Variants in PTPRT observed in about 807,000 individuals in gnomAD.
PTPRT encodes protein tyrosine phosphatase receptor type T.
Under a neutral mutation model 176.8 loss-of-function variants are expected in PTPRT, and 56 were observed. The ratio of observed to expected loss-of-function variants is 0.32; its 90% CI spans 0.26 to 0.40. PTPRT has a LOEUF of 0.40. PTPRT is among the 10% of genes least tolerant of loss of function. The pLI, the probability that PTPRT is intolerant of heterozygous loss-of-function variation, is 1.00. For missense variants in PTPRT, 1,540 were observed against 1,908.2 expected (o/e 0.81, Z 3.60); for synonymous variants, 783 against 739.0 (o/e 1.06, Z -0.96).
chr20:42,192,415 T>C (rs1161366698), intron 16 of PTPRT, among the ~76,000 whole-genome samples: 1 of 152,222 alleles, frequency 6.6e-6, no homozygotes. Flanking sequence ...TGCCTGGTAC[T>C]TCCTTCTGCC....
At chr20:42,539,847 T>C (rs1417703616) in intron 7 of PTPRT, among the ~76,000 whole-genome samples, 1 of 151,924 alleles carries the variant, frequency 6.6e-6, no homozygotes, top group Non-Finnish European at 1.5e-5. Context: ...AGGAAATCTC[T>C]TGAAAGGCAG....
chr20:42,093,411 CT>C (rs758402913), intron 27 of PTPRT, among the ~76,000 whole-genome samples: 7 of 152,048 alleles, frequency 4.6e-5, no homozygotes, highest in Non-Finnish European at 8.8e-5. Context: ...GTTTGAATGC[CT>C]TTATTTTGAG....
At position 42,274,536 on chromosome 20, in the gene PTPRT, A is replaced by AGTGTGTGTGT. The variant is rs529883269; in HGVS notation, c.2176+7943_2176+7952dup. ...TCTTTACTGTTTCCAGGCCCTGTAC[A>AGTGTGTGTGT]GTGTGTGTGTGTGTGTGTGTGTGTG... is the stretch of plus-strand genomic sequence containing the variant. On this transcript the variant is annotated intron_variant, in intron 13 of 30. Coordinates refer to ENST00000373187, the MANE Select transcript of PTPRT (RefSeq NM_007050.6). 4.5e-3 allele frequency among the ~76,000 whole-genome samples: 512 copies of AGTGTGTGTGT among 113,282 alleles called. 1 individual carries two copies. Among genetic ancestry groups the AGTGTGTGTGT allele is most frequent in the African/African-American group, 8.7e-3 (215 of 24,698 alleles). The allele number at this position is 113,282 out of a possible 152,430, so 74.3% of individuals were successfully genotyped here. A position where few individuals can be genotyped will look rare whatever the true frequency, so the allele number is the denominator to read the frequency against.
chr20:42,647,997 T>C (rs1600544195), intron 7 of PTPRT, among the ~76,000 whole-genome samples: 1 of 152,220 alleles, frequency 6.6e-6, no homozygotes, highest in East Asian at 1.9e-4. Flanking sequence ...AAGGACACTT[T>C]GGAGATAGCA....
At chr20:42,462,434 A>G (rs1177536547) in intron 8 of PTPRT, among the ~76,000 whole-genome samples, 1 of 152,160 alleles carries the variant, frequency 6.6e-6, no homozygotes, top group Non-Finnish European at 1.5e-5. Context: ...GGTTGTGAAT[A>G]GCTGGAAATG....
intron 16 of PTPRT, among the ~76,000 whole-genome samples, chr20:42,165,263 A>T (rs1487267952): frequency 6.6e-6 from 1 of 152,014 alleles, no homozygotes; most frequent in Admixed American, 6.5e-5. Context: ...GGGAATTGCC[A>T]CTCCAACTGG....
chr20:42,829,819 C>G (rs567652930), intron 2 of PTPRT, among the ~76,000 whole-genome samples: 1 of 152,158 alleles, frequency 6.6e-6, no homozygotes, highest in Non-Finnish European at 1.5e-5. Context: ...ACCATGAACA[C>G]CTCTATGCCC....
At chr20:42,104,785 CATTTAGTGTTGTGGCTATGAAG>C in intron 24 of PTPRT, 67 bp from the exon 25 acceptor site, 1 of 1,458,876 alleles carries the variant, frequency 6.9e-7, no homozygotes, top group African/African-American at 1.4e-5. Context: ...TAGCTGTCCA[CATTTAGTGTTGTGGCTATGAAG>C]AATAGACATG....
At chr20:42,770,267 C>T (rs1172138178) in intron 5 of PTPRT, among the ~76,000 whole-genome samples, 1 of 152,124 alleles carries the variant, frequency 6.6e-6, no homozygotes, top group Non-Finnish European at 1.5e-5. Flanking sequence ...GGATTACAGG[C>T]ACTCGCCACC....
rs367707670 is a variant in PTPRT at position 42,716,664 on chromosome 20, T to C, written c.860-38505A>G. Among the ~76,000 whole-genome samples, 6 of 152,330 alleles carry C rather than the reference T, an allele frequency of 3.9e-5. No homozygotes were observed. The East Asian group carries it at 1.2e-3, about 29-fold the overall frequency. ...TTCTGGATATTAGCCCTTTGTCAGA[T>C]GAGTACATTGCAAAAATTTTCTCCC... On this transcript the variant is annotated intron_variant, in intron 6 of 30. Coordinates refer to ENST00000373187, the MANE Select transcript of PTPRT (RefSeq NM_007050.6).
chr20:42,482,171 G>C (rs2071399667), intron 7 of PTPRT, among the ~76,000 whole-genome samples: 1 of 152,098 alleles, frequency 6.6e-6, no homozygotes, highest in South Asian at 2.1e-4. Flanking sequence ...GGAGAAAAGG[G>C]AGCGGGAAGA....
chr20:42,113,826 TC>T (rs1568943904), intron 22 of PTPRT, among the ~76,000 whole-genome samples: 3 of 152,262 alleles, frequency 2.0e-5, no homozygotes, highest in Admixed American at 6.5e-5. Flanking sequence ...ACCGATGGTT[TC>T]CTTCCTCTTA....
intron 9 of PTPRT, among the ~76,000 whole-genome samples, chr20:42,446,660 A>AAT (rs2070739301): frequency 1.1e-5 from 1 of 88,022 alleles, no homozygotes; most frequent in Admixed American, 1.1e-4. Flanking sequence ...CTTTACAAAG[A>AAT]ACATGTAGAT....
chr20:42,929,994 C>G (rs546569151), intron 1 of PTPRT, among the ~76,000 whole-genome samples: 2 of 152,306 alleles, frequency 1.3e-5, no homozygotes, highest in East Asian at 3.9e-4. Context: ...TGCAAATGGT[C>G]CCCCAATTAG....
At chr20:42,550,893 C>T (rs2072758697) in intron 7 of PTPRT, among the ~76,000 whole-genome samples, 1 of 152,088 alleles carries the variant, frequency 6.6e-6, no homozygotes, top group Non-Finnish European at 1.5e-5. Context: ...CTCCTCATTA[C>T]CACAAGTAAA....
chr20:42,874,455 C>T (rs545895338), intron 2 of PTPRT, among the ~76,000 whole-genome samples: 3 of 152,164 alleles, frequency 2.0e-5, no homozygotes, highest in South Asian at 2.1e-4. Flanking sequence ...AAAAAGTTTT[C>T]GGGCAACTTT....
rs139855285 is a variant in PTPRT, at chr20:42,745,305, G to A, written c.859+11157C>T. On this transcript the variant is annotated intron_variant, in intron 6 of 30. Coordinates refer to ENST00000373187, the MANE Select transcript of PTPRT (RefSeq NM_007050.6). Reference sequence around the variant, plus strand: ...TTCCCATCCAGTTTCTGCACCTGGCGTCCTAGATGAATAGTAGGGCACTAA... The same window carrying A: ...TTCCCATCCAGTTTCTGCACCTGGCATCCTAGATGAATAGTAGGGCACTAA... Among the ~76,000 whole-genome samples, 66 of 152,258 alleles carry A rather than the reference G, an allele frequency of 4.3e-4. 1 individual carries two copies. Among genetic ancestry groups the A allele is most frequent in the African/African-American group, 1.4e-3 (58 of 41,556 alleles).
At chr20:42,138,061 G>C (rs6130053) in intron 18 of PTPRT, among the ~76,000 whole-genome samples, 22,492 of 152,114 alleles carry the variant, frequency 0.15, 2,221 homozygotes, top group East Asian at 0.48. Context: ...TCACCTAGAG[G>C]GCTTCTAGAA....
chr20:42,172,449 T>C (rs1990116646), intron 16 of PTPRT, among the ~76,000 whole-genome samples: 2 of 152,216 alleles, frequency 1.3e-5, no homozygotes, highest in South Asian at 4.1e-4. Context: ...AGAGAAGCCC[T>C]GAGACACATC....
Sources: allele counts gnomAD v4.1 joint callset (sites outside exome capture counted in the v4.1 genomes callset), GRCh38; gene constraint gnomAD v4.1.1; transcripts MANE v1.5; gene names NCBI Gene and HGNC (gene_info 2026-07-23, HGNC 2026-07-21).